The following EZH2 variants were observed in gnomAD, a reference collection of about 807,000 sequenced individuals.
EZH2 encodes enhancer of zeste 2 polycomb repressive complex 2 subunit, also known as histone-lysine N-methyltransferase EZH2.
EZH2 carries 18 observed loss-of-function variants against 98.4 expected under a neutral mutation model. The ratio of observed to expected loss-of-function variants is 0.18; its 90% CI spans 0.13 to 0.27. EZH2 has a LOEUF of 0.27. Ranked by LOEUF, EZH2 falls within the 10% of genes least tolerant of loss-of-function variation. EZH2 has a pLI of 1.00. For missense variants in EZH2, 470 were observed against 935.1 expected (o/e 0.50, Z 6.49); for synonymous variants, 338 against 312.3 (o/e 1.08, Z -0.87).
chr7:148,859,148 T>C (rs1817288354), intron 1 of EZH2, among the ~76,000 whole-genome samples: 1 of 152,214 alleles, frequency 6.6e-6, no homozygotes, highest in African/African-American at 2.4e-5. Context: ...AACTGAAGAC[T>C]TAGCAATTAA....
At chr7:148,816,146 A>T (rs1253312366) in intron 12 of EZH2, among the ~76,000 whole-genome samples, 1 of 152,210 alleles carries the variant, frequency 6.6e-6, no homozygotes, top group East Asian at 1.9e-4. Context: ...TGGGGAGATT[A>T]GAGCAGATAG....
chr7:148,859,878 G>C (rs1817414800), intron 1 of EZH2, among the ~76,000 whole-genome samples: 2 of 152,148 alleles, frequency 1.3e-5, no homozygotes, highest in African/African-American at 4.8e-5. Context: ...TAGCATTCAA[G>C]AGTTGCTTGC....
intron 4 of EZH2, 150 bp from the exon 5 acceptor site, chr7:148,829,998 C>A (rs1808886858): frequency 5.8e-6 from 3 of 512,978 alleles, no homozygotes; most frequent in South Asian, 8.0e-5. Context: ...TAAAATTTAT[C>A]AAAAAATAAA....
At chr7:148,826,337 A>T (rs1807699107) in intron 8 of EZH2, 117 bp downstream of exon 8, 4 of 762,698 alleles carry the variant, frequency 5.2e-6, no homozygotes, top group Non-Finnish European at 7.3e-6. Context: ...AGATCTAAAG[A>T]TATTTGTCAA....
At chr7:148,834,350 TATACACACAC>T (rs1465572988) in intron 3 of EZH2, among the ~76,000 whole-genome samples, 2,088 of 81,970 alleles carry the variant, frequency 0.025, 19 homozygotes, top group Non-Finnish European at 0.031. Context: ...TATATATATA[TATACACACAC>T]ACACACACAC....
Position 148,807,630 on chromosome 7 carries a change from GA to G in EZH2, c.*15del, listed in dbSNP as rs2129465241. The G allele has an allele frequency of 1.3e-6, 2 of 1,569,172 alleles. No homozygotes were observed. Among genetic ancestry groups the G allele is most frequent in the Non-Finnish European group, 1.7e-6 (2 of 1,151,964 alleles). On this transcript the variant is annotated 3_prime_UTR_variant, in exon 20 of 20. Transcript: ENST00000320356. Reference sequence around the variant, plus strand: ...AAGGCAGCTGTTTCAGAGGAGGGGGGAGGAGGTAGCAGATGTCAAGGGATTT... The same window carrying G: ...AAGGCAGCTGTTTCAGAGGAGGGGGGGGAGGTAGCAGATGTCAAGGGATTT...
At chr7:148,860,926 G>C (rs902636447) in intron 1 of EZH2, among the ~76,000 whole-genome samples, 3 of 151,996 alleles carry the variant, frequency 2.0e-5, no homozygotes, top group African/African-American at 7.3e-5. Flanking sequence ...CCTCACCTTG[G>C]CCTCCCAAAG....
rs2300151 is a variant in EZH2 at position 148,825,997 on chromosome 7, T to G, written c.907+457A>C. ...CGTTTTACTTGTATTCAAATGCAGG[T>G]ATTTTTAAAAAACAACTTACCCAGA... On this transcript the variant is annotated intron_variant, in intron 8 of 19. Transcript: ENST00000320356. Among the ~76,000 whole-genome samples, 38 of 152,284 alleles carry G rather than the reference T, an allele frequency of 2.5e-4. No individual in the cohort carries two copies. The East Asian group carries it at 6.9e-3, about 28-fold the overall frequency.
chr7:148,832,825 A>C (rs1809765668), intron 3 of EZH2, 75 bp from the exon 4 acceptor site: 1 of 840,310 alleles, frequency 1.2e-6, no homozygotes, highest in East Asian at 2.5e-5. Context: ...TATTGTAAAG[A>C]GATGCTGCCT....
intron 1 of EZH2, among the ~76,000 whole-genome samples, chr7:148,876,827 G>T (rs149706876): frequency 3.0e-4 from 46 of 152,204 alleles, no homozygotes; most frequent in African/African-American, 1.1e-3. Context: ...AAGTGGGGTG[G>T]TATTGTTTTA....
intron 3 of EZH2, among the ~76,000 whole-genome samples, chr7:148,841,897 C>CA (rs1812547192): frequency 6.6e-6 from 1 of 151,974 alleles, no homozygotes; most frequent in Admixed American, 6.6e-5. Flanking sequence ...CTTCTCCCCC[C>CA]AAAAAAATCT....
At chr7:148,865,488 G>T (rs1563061375) in intron 1 of EZH2, among the ~76,000 whole-genome samples, 1 of 152,172 alleles carries the variant, frequency 6.6e-6, no homozygotes, top group African/African-American at 2.4e-5. Flanking sequence ...CCCATAACCT[G>T]CTGGACAAGT....
intron 19 of EZH2, among the ~76,000 whole-genome samples, chr7:148,808,796 T>C (rs564000543): frequency 7.2e-5 from 11 of 152,270 alleles, no homozygotes; most frequent in African/African-American, 2.6e-4. Context: ...CGGCATGATA[T>C]GAGAAGGTCT....
chr7:148,872,714 A>G (rs1314581983), intron 1 of EZH2, among the ~76,000 whole-genome samples: 2 of 152,238 alleles, frequency 1.3e-5, no homozygotes, highest in African/African-American at 2.4e-5. Context: ...GTTTAAAAAT[A>G]ATTAACTGTC....
intron 3 of EZH2, among the ~76,000 whole-genome samples, chr7:148,839,037 G>A (rs1554402336): frequency 8.3e-6 from 1 of 120,954 alleles, no homozygotes; most frequent in Non-Finnish European, 1.7e-5. Context: ...GGGTAATAGA[G>A]CAAAACTCTG....
Position 148,840,455 on chromosome 7 carries a change from A to G in EZH2, c.246+6015T>C, listed in dbSNP as rs142207860. ...AAATATTATTAACCTCCTAGTATAT[A>G]TAGAAAATGAAATCTGAAAGAATAA... On this transcript the variant is annotated intron_variant, in intron 3 of 19. Coordinates refer to ENST00000320356, the MANE Select transcript of EZH2 (RefSeq NM_004456.5). 3.8e-3 allele frequency among the ~76,000 whole-genome samples: 586 copies of G among 152,318 alleles called. 2 individuals carry two copies. Among genetic ancestry groups the G allele is most frequent in the African/African-American group, 0.013 (549 of 41,578 alleles).
At chr7:148,825,649 A>C (rs182558039) in intron 8 of EZH2, among the ~76,000 whole-genome samples, 3 of 152,326 alleles carry the variant, frequency 2.0e-5, no homozygotes, top group African/African-American at 7.2e-5. Context: ...AAAACAACAA[A>C]GCAATGTGGG....
At chr7:148,883,860 G>C (rs1821400981) in intron 1 of EZH2, among the ~76,000 whole-genome samples, 1 of 151,668 alleles carries the variant, frequency 6.6e-6, no homozygotes, top group African/African-American at 2.4e-5. Flanking sequence ...CCGGCGCCCC[G>C]GCCAGGACAA....
intron 3 of EZH2, among the ~76,000 whole-genome samples, chr7:148,844,219 T>C (rs1346898408): frequency 6.6e-6 from 1 of 152,202 alleles, no homozygotes; most frequent in Non-Finnish European, 1.5e-5. Flanking sequence ...AAATAATATG[T>C]AGATGGAAAT....
Sources: allele counts gnomAD v4.1 joint callset (sites outside exome capture counted in the v4.1 genomes callset), GRCh38; gene constraint gnomAD v4.1.1; transcripts MANE v1.5; gene names NCBI Gene and HGNC (gene_info 2026-07-23, HGNC 2026-07-21).